Variants in CLNK observed in about 807,000 individuals in gnomAD.
CLNK encodes cytokine dependent hematopoietic cell linker.
Under a neutral mutation model 68.6 loss-of-function variants are expected in CLNK, and 74 were observed. That is an observed-to-expected ratio of 1.08 (90% CI 0.89 to 1.31). The LOEUF (loss-of-function observed/expected upper bound fraction) is 1.31, where lower values mean the gene tolerates loss of function less well. Ranked by LOEUF, CLNK falls within the 50% of genes most tolerant of loss-of-function variation. The pLI is 0.00. For missense variants in CLNK, 553 were observed against 515.3 expected, an observed-to-expected ratio of 1.07 and a Z score of -0.71; for synonymous variants, 198 against 172.2, an observed-to-expected ratio of 1.15 and a Z score of -1.17.
chr4:10,501,448 C>T (rs753356435), intron 17 of CLNK, 37 bp from the exon 18 acceptor site: 71 of 1,588,898 alleles, frequency 4.5e-5, no homozygotes, highest in African/African-American at 2.6e-4. Context: ...TTTTCAGACA[C>T]GCCAGCATTC....
At chr4:10,679,681 A>G in intron 1 of CLNK, among the ~76,000 whole-genome samples, 1 of 152,220 alleles carries the variant, frequency 6.6e-6, no homozygotes. Context: ...AAAAAAACAA[A>G]CAACCCCATC....
intron 10 of CLNK, among the ~76,000 whole-genome samples, chr4:10,540,912 C>T (rs1317769394): frequency 6.6e-6 from 1 of 151,880 alleles, no homozygotes; most frequent in Non-Finnish European, 1.5e-5. Context: ...TTAGAACTAC[C>T]CAAATAAATA....
At chr4:10,497,050 G>C (rs770204874) in intron 18 of CLNK, among the ~76,000 whole-genome samples, 9 of 152,162 alleles carry the variant, frequency 5.9e-5, no homozygotes, top group Non-Finnish European at 8.8e-5. Flanking sequence ...ACCTTCAACT[G>C]GTAATGGAAG....
At chr4:10,534,713 T>G (rs1417155340) in intron 11 of CLNK, among the ~76,000 whole-genome samples, 4 of 152,232 alleles carry the variant, frequency 2.6e-5, no homozygotes, top group Non-Finnish European at 5.9e-5. Context: ...ATTAAACTTT[T>G]TATCCTGAGA....
chr4:10,531,569 G>A (rs181137133), intron 12 of CLNK: 12 of 336,130 alleles, frequency 3.6e-5, no homozygotes, highest in East Asian at 2.4e-4. Context: ...CCCGAGTAGC[G>A]TGGCTGGGAT....
the CLNK span, among the ~76,000 whole-genome samples, chr4:10,712,453 A>G: frequency 1.3e-5 from 2 of 152,214 alleles, no homozygotes; most frequent in Non-Finnish European, 2.9e-5. Context: ...AATAGGCCAA[A>G]CTAACAATGG....
intron 2 of CLNK, among the ~76,000 whole-genome samples, chr4:10,616,616 G>A (rs1447470954): frequency 2.0e-5 from 3 of 151,988 alleles, no homozygotes; most frequent in Non-Finnish European, 4.4e-5. Flanking sequence ...ATTTGCTAAA[G>A]ATATGAGAGT....
At chr4:10,624,398 T>G (rs972276578) in intron 2 of CLNK, among the ~76,000 whole-genome samples, 1 of 152,112 alleles carries the variant, frequency 6.6e-6, no homozygotes, top group African/African-American at 2.4e-5. Flanking sequence ...GTTCACGCCA[T>G]TCTCCTGCCT....
chr4:10,525,686 A>G (rs1437257746), intron 14 of CLNK, among the ~76,000 whole-genome samples, 155 bp downstream of exon 14: 3 of 152,222 alleles, frequency 2.0e-5, no homozygotes, highest in Admixed American at 2.0e-4. Flanking sequence ...AACATCAATA[A>G]CAGCTGTGAT....
At chr4:10,690,857 C>T in the CLNK span, among the ~76,000 whole-genome samples, 1 of 152,088 alleles carries the variant, frequency 6.6e-6, no homozygotes, top group African/African-American at 2.4e-5. Flanking sequence ...TAGCTCTGTT[C>T]TACGGAGGCC....
intron 8 of CLNK, among the ~76,000 whole-genome samples, chr4:10,550,185 C>T (rs1374432436): frequency 2.0e-5 from 3 of 152,178 alleles, no homozygotes; most frequent in Non-Finnish European, 2.9e-5. Flanking sequence ...GCTTTACATA[C>T]AGCCATTATT....
At chr4:10,613,021 T>C (rs751284240) in intron 2 of CLNK, among the ~76,000 whole-genome samples, 30 of 152,240 alleles carry the variant, frequency 2.0e-4, no homozygotes, top group Non-Finnish European at 4.0e-4. Context: ...TTTTTCTTAG[T>C]GCTCAATGTG....
rs573916705 is a variant in CLNK at position 10,543,609 on chromosome 4, G to A, written c.446-1329C>T. Among the ~76,000 whole-genome samples the A allele has an allele frequency of 6.6e-5, 10 of 152,234 alleles. No individual in the cohort carries two copies. In the South Asian group the frequency reaches 1.5e-3, roughly 22 times the overall value. ...ATTTCAGCCCGCTCTCCACTGCACC[G>A]CCTGTTTAGATTCCCCTTGGTGAAA... On this transcript the variant is annotated intron_variant, in intron 8 of 18. Transcript: ENST00000226951.
rs76732387 is a variant in CLNK, at chr4:10,673,338, C to G, written c.-42-5427G>C. Among the ~76,000 whole-genome samples, 1,443 of 152,312 alleles carry G rather than the reference C, an allele frequency of 9.5e-3. 32 individuals carry two copies. The highest frequency in any genetic ancestry group is 0.033 in the African/African-American group (1,390 of 41,564). On this transcript the variant is annotated intron_variant, in intron 1 of 18. Transcript: ENST00000226951. Reference sequence around the variant, plus strand: ...AGGTTCTTACCCAGCTTCACCACAACTCCCCTCAGAAGTAACCCCAACTCC... The same window carrying G: ...AGGTTCTTACCCAGCTTCACCACAAGTCCCCTCAGAAGTAACCCCAACTCC...
At chr4:10,633,370 G>T (rs1286102319) in intron 2 of CLNK, among the ~76,000 whole-genome samples, 1 of 152,216 alleles carries the variant, frequency 6.6e-6, no homozygotes, top group African/African-American at 2.4e-5. Flanking sequence ...CATCAGCTTT[G>T]TTGCGACTGA....
At chr4:10,714,070 G>T in the CLNK span, among the ~76,000 whole-genome samples, 9 of 152,160 alleles carry the variant, frequency 5.9e-5, no homozygotes, top group Admixed American at 5.2e-4. Context: ...GGCAGATATT[G>T]TTGGGGAAGA....
At chr4:10,496,803 T>A (rs1716827282) in intron 18 of CLNK, among the ~76,000 whole-genome samples, 1 of 152,214 alleles carries the variant, frequency 6.6e-6, no homozygotes, top group African/African-American at 2.4e-5. Flanking sequence ...GTAACTTTAC[T>A]TCATCCTCTT....
In CLNK at chr4:10,586,314, C is replaced by T. The variant is rs538918295; in HGVS notation, c.84-1359G>A. Among the ~76,000 whole-genome samples, 122 of 149,328 alleles carry T rather than the reference C, an allele frequency of 8.2e-4. 1 individual carries two copies. In the South Asian group the frequency reaches 0.025, roughly 31 times the overall value. ...GTGTATTTATCATTTTAAACCTCAT[C>T]TCTGAATCTTTCTTTTTTTTTCTTT... On this transcript the variant is annotated intron_variant, in intron 3 of 18. Coordinates refer to ENST00000226951, the MANE Select transcript of CLNK (RefSeq NM_052964.4).
At chr4:10,607,909 G>A (rs1721848472) in intron 2 of CLNK, among the ~76,000 whole-genome samples, 1 of 152,206 alleles carries the variant, frequency 6.6e-6, no homozygotes, top group Non-Finnish European at 1.5e-5. Context: ...CAGAGGGTGA[G>A]GCTGTTTCAT....
Sources: gnomAD v4.1 joint callset for allele counts (sites outside exome capture counted in the v4.1 genomes callset) on GRCh38, gnomAD v4.1.1 for gene constraint, MANE v1.5 for transcripts, NCBI Gene and HGNC (gene_info 2026-07-23, HGNC 2026-07-21) for gene names.